GLYAT: variants seen among roughly 807,000 people sequenced by gnomAD.
The protein encoded by GLYAT is glycine-N-acyltransferase, also known as glycine N-acyltransferase.
Under a neutral mutation model 22.8 loss-of-function variants are expected in GLYAT, and 25 were observed. The observed-to-expected ratio is 1.09, with a 90% CI of 0.80 to 1.53. The LOEUF is 1.53. GLYAT is among the 40% of genes most tolerant of loss of function. GLYAT has a pLI of 0.00. For synonymous variants in GLYAT, 140 were observed against 122.7 expected (o/e 1.14, Z -0.93); for missense variants, 411 against 353.9 (o/e 1.16, Z -1.29).
intron 2 of GLYAT, among the ~76,000 whole-genome samples, chr11:58,719,956 C>T (rs1290916324): frequency 6.6e-6 from 1 of 151,804 alleles, no homozygotes; most frequent in Non-Finnish European, 1.5e-5. Flanking sequence ...TCTGGTTTGT[C>T]CTGAACATCC....
chr11:58,729,229 C>T (rs1041310296), intron 1 of GLYAT, among the ~76,000 whole-genome samples: 4 of 152,090 alleles, frequency 2.6e-5, no homozygotes, highest in Admixed American at 6.6e-5. Flanking sequence ...TCAGTTCTGC[C>T]TTCTAAATTA....
intron 4 of GLYAT, among the ~76,000 whole-genome samples, chr11:58,711,375 C>A (rs1003864198): frequency 1.3e-5 from 2 of 152,144 alleles, no homozygotes; most frequent in Non-Finnish European, 1.5e-5. Context: ...GTTCTCATGG[C>A]AAAATTGCTG....
chr11:58,727,913 A>C (rs1394518771), intron 1 of GLYAT, among the ~76,000 whole-genome samples: 1 of 152,136 alleles, frequency 6.6e-6, no homozygotes, highest in African/African-American at 2.4e-5. Context: ...GGGAGAATGG[A>C]CACAAGAGCC....
chr11:58,712,251 G>A (rs1173451244), intron 4 of GLYAT, among the ~76,000 whole-genome samples: 1 of 152,116 alleles, frequency 6.6e-6, no homozygotes, highest in Admixed American at 6.5e-5. Context: ...TGTGTTTTAG[G>A]TAACATTATT....
chr11:58,725,597 G>T (rs1389424118), intron 1 of GLYAT, among the ~76,000 whole-genome samples: 2 of 152,162 alleles, frequency 1.3e-5, no homozygotes, highest in African/African-American at 4.8e-5. Flanking sequence ...CTCCTCAACA[G>T]AAAGAATTTG....
chr11:58,728,349 C>T (rs2134498142), intron 1 of GLYAT, among the ~76,000 whole-genome samples: 1 of 152,222 alleles, frequency 6.6e-6, no homozygotes, highest in Non-Finnish European at 1.5e-5. Flanking sequence ...GCGTGAGCCA[C>T]TGCGCCTGGC....
At chr11:58,721,586 T>C (rs1463909498) in intron 2 of GLYAT, among the ~76,000 whole-genome samples, 1 of 151,912 alleles carries the variant, frequency 6.6e-6, no homozygotes, top group Non-Finnish European at 1.5e-5. Context: ...CATGAACACA[T>C]ACACACATAC....
chr11:58,710,926 T>A (rs1309029884), intron 4 of GLYAT, among the ~76,000 whole-genome samples, 165 bp from the exon 5 acceptor site: 1 of 152,060 alleles, frequency 6.6e-6, no homozygotes, highest in Non-Finnish European at 1.5e-5. Flanking sequence ...AAGTGAAGAT[T>A]CCTCTTCAAA....
At chr11:58,716,762 T>C (rs1358682536) in intron 2 of GLYAT, among the ~76,000 whole-genome samples, 3 of 152,244 alleles carry the variant, frequency 2.0e-5, no homozygotes, top group African/African-American at 7.2e-5. Context: ...TTTGCCAAGA[T>C]TGAGTGCACA....
intron 3 of GLYAT, among the ~76,000 whole-genome samples, chr11:58,714,211 TTATAA>T (rs1281604076): frequency 1.3e-5 from 2 of 152,104 alleles, no homozygotes; most frequent in African/African-American, 4.8e-5. Context: ...GAAACTTCAG[TTATAA>T]TAGTTATAAT....
At chr11:58,717,001 A>G (rs1188645627) in intron 2 of GLYAT, among the ~76,000 whole-genome samples, 1 of 152,096 alleles carries the variant, frequency 6.6e-6, no homozygotes, top group East Asian at 1.9e-4. Flanking sequence ...TGTTATTTTG[A>G]GTTTCTGATT....
intron 1 of GLYAT, among the ~76,000 whole-genome samples, chr11:58,728,053 CTTTTT>C (rs1173955703): frequency 1.5e-5 from 1 of 68,652 alleles, no homozygotes; most frequent in Non-Finnish European, 2.6e-5. Context: ...TGCTCTAAAG[CTTTTT>C]TTTTTTTTTT....
rs555283386 is a variant in GLYAT at position 58,712,722 on chromosome 11, A to G, written c.316+38T>C. On this transcript the variant is annotated intron_variant, in intron 4 of 5. Coordinates refer to ENST00000344743, the MANE Select transcript of GLYAT (RefSeq NM_201648.3). ...TCATATGAAAACTTGCTCAGGACAC[A>G]TAAGTGAGTCAGCACACATCCCATT... 12 of 1,598,440 alleles carry G rather than the reference A, an allele frequency of 7.5e-6. No homozygotes were observed. The Admixed American group carries it at 1.7e-4, about 22-fold the overall frequency.
intron 1 of GLYAT, among the ~76,000 whole-genome samples, chr11:58,725,504 G>A (rs957336418): frequency 6.6e-6 from 1 of 152,082 alleles, no homozygotes; most frequent in Non-Finnish European, 1.5e-5. Flanking sequence ...CCATAACTAG[G>A]TAACCTTGTG....
In GLYAT at chr11:58,710,081, C is replaced by A; in HGVS notation, c.576G>T (p.Arg192Ser). 6.2e-7 allele frequency: 1 copy of A among 1,614,036 alleles called. No homozygotes were observed. Among genetic ancestry groups the A allele is most frequent in the Non-Finnish European group, 8.5e-7 (1 of 1,179,918 alleles). The change falls in exon 6 of 6, where the codon AGG becomes AGT. Residue 192 changes from arginine (R) to serine (S), a missense_variant. Transcript: ENST00000344743. Reference protein sequence around the residue: ...NKFWHFGGNERSQRFIERCIQ... With the variant: ...NKFWHFGGNESSQRFIERCIQ... ...TGCAGCGCTCAATGAATCTCTGGCT[C>A]CTCTCATTACCACCAAAATGCCAGA...
At chr11:58,711,009 T>C (rs1590666272) in intron 4 of GLYAT, among the ~76,000 whole-genome samples, 1 of 152,276 alleles carries the variant, frequency 6.6e-6, no homozygotes, top group East Asian at 1.9e-4. Flanking sequence ...CAAAGACCTG[T>C]GCTAGCATTC....
intron 2 of GLYAT, 39 bp downstream of exon 2, chr11:58,724,377 T>G (rs954636012): frequency 9.0e-7 from 1 of 1,112,012 alleles, no homozygotes; most frequent in Non-Finnish European, 1.4e-6. Flanking sequence ...TCACATCAAG[T>G]TTGTCTTCTT....
chr11:58,719,450 G>A (rs1374395626), intron 2 of GLYAT, among the ~76,000 whole-genome samples: 1 of 151,854 alleles, frequency 6.6e-6, no homozygotes, highest in Non-Finnish European at 1.5e-5. Context: ...TCTGCCACAG[G>A]GGTCTATATG....
At chr11:58,720,957 A>G (rs1226638360) in intron 2 of GLYAT, among the ~76,000 whole-genome samples, 1 of 152,060 alleles carries the variant, frequency 6.6e-6, no homozygotes, top group Non-Finnish European at 1.5e-5. Context: ...CATAAACTTG[A>G]AAAAGGATTT....
Sources: allele counts gnomAD v4.1 joint callset (sites outside exome capture counted in the v4.1 genomes callset), GRCh38; gene constraint gnomAD v4.1.1; transcripts MANE v1.5; gene names NCBI Gene and HGNC (gene_info 2026-07-23, HGNC 2026-07-21).